INTS6: variants seen among roughly 807,000 people sequenced by gnomAD.
INTS6 encodes DEAD box protein.
In INTS6, 16 loss-of-function variants were observed where a neutral mutation model predicts 104.9. That is an observed-to-expected ratio of 0.15 (90% CI 0.10 to 0.23). The LOEUF (loss-of-function observed/expected upper bound fraction) is 0.23, where lower values mean the gene tolerates loss of function less well. Among genes scored for constraint, INTS6 ranks in the 10% least tolerant of loss-of-function variants. The pLI is 1.00. For missense variants in INTS6, 584 were observed against 1,062.8 expected (o/e 0.55, Z 6.26); for synonymous variants, 324 against 358.7 (o/e 0.90, Z 1.09).
chr13:51,407,106 C>T (rs1313511016), intron 4 of INTS6, among the ~76,000 whole-genome samples: 1 of 151,734 alleles, frequency 6.6e-6, no homozygotes, highest in African/African-American at 2.4e-5. Flanking sequence ...TTTGTACATG[C>T]TAGTCCCTCT....
intron 3 of INTS6, chr13:51,449,634 G>T: frequency 1.0e-6 from 1 of 985,258 alleles, no homozygotes; most frequent in Non-Finnish European, 1.2e-6. Context: ...ATAATGGCAA[G>T]TTTTAAATAT....
At chr13:51,451,271 T>C (rs1953036210) in intron 2 of INTS6, 97 bp from the exon 3 acceptor site, 23 of 1,034,812 alleles carry the variant, frequency 2.2e-5, no homozygotes, top group Non-Finnish European at 2.9e-5. Flanking sequence ...AGCTTCACTT[T>C]TGGTTGGTTT....
chr13:51,351,902 T>A (rs550936908), downstream of INTS6, among the ~76,000 whole-genome samples: 117 of 152,122 alleles, frequency 7.7e-4, no homozygotes, highest in Non-Finnish European at 1.4e-3. Flanking sequence ...GATTTTTCTT[T>A]CCTCCACTGA....
At chr13:51,395,629 CAT>C in intron 4 of INTS6, 146 bp from the exon 5 acceptor site, 1 of 694,426 alleles carries the variant, frequency 1.4e-6, no homozygotes, top group Non-Finnish European at 2.3e-6. Flanking sequence ...CTTGTTCAGA[CAT>C]AGCTAAAACA....
At chr13:51,424,256 C>T (rs1430259766) in intron 4 of INTS6, among the ~76,000 whole-genome samples, 1 of 151,810 alleles carries the variant, frequency 6.6e-6, no homozygotes, top group African/African-American at 2.4e-5. Context: ...TTCTAGATAG[C>T]GGATTAGTTA....
chr13:51,426,195 T>A (rs1956982324), intron 4 of INTS6, among the ~76,000 whole-genome samples: 1 of 152,076 alleles, frequency 6.6e-6, no homozygotes, highest in Non-Finnish European at 1.5e-5. Flanking sequence ...TTACTTTTCT[T>A]TCCTAACTCA....
intron 3 of INTS6, chr13:51,442,996 A>G: frequency 6.6e-6 from 1 of 152,254 alleles, no homozygotes; most frequent in East Asian, 1.9e-4. Flanking sequence ...GACAAAATGA[A>G]AAGCTTAGCT....
chr13:51,352,401 AAC>A (rs1458778331), downstream of INTS6, among the ~76,000 whole-genome samples: 1 of 151,684 alleles, frequency 6.6e-6, no homozygotes, highest in Non-Finnish European at 1.5e-5. Flanking sequence ...AGCGTATACA[AAC>A]ACAATTGATT....
chr13:51,405,439 G>A (rs961344273), intron 4 of INTS6, among the ~76,000 whole-genome samples: 17 of 152,096 alleles, frequency 1.1e-4, no homozygotes, highest in African/African-American at 3.9e-4. Flanking sequence ...AATTTTCTTC[G>A]TTCCCCAGTC....
intron 12 of INTS6, 86 bp from the exon 13 acceptor site, chr13:51,376,260 G>C: frequency 9.6e-7 from 1 of 1,046,590 alleles, no homozygotes; most frequent in Non-Finnish European, 1.3e-6. Flanking sequence ...CATAGGTTTG[G>C]AAATAAGATA....
At chr13:51,429,785 A>AAAAAAAAAAAATATATATATATATAT (rs1156333077) in intron 4 of INTS6, among the ~76,000 whole-genome samples, 1 of 92,358 alleles carries the variant, frequency 1.1e-5, no homozygotes, top group Non-Finnish European at 2.0e-5. Flanking sequence ...AAAAAAAAAA[A>AAAAAAAAAAAATATATATATATATAT]ATATATATAT....
intron 4 of INTS6, among the ~76,000 whole-genome samples, chr13:51,398,760 C>T (rs1036152762): frequency 1.3e-5 from 2 of 150,060 alleles, no homozygotes; most frequent in Non-Finnish European, 3.0e-5. Flanking sequence ...TTGACTACAG[C>T]ATTATTTGAA....
Position 51,395,370 on chromosome 13 carries a change from T to C in INTS6, c.543A>G (p.Val181=). 6.2e-7 allele frequency: 1 copy of C among 1,614,034 alleles called. No individual in the cohort carries two copies. Among genetic ancestry groups the C allele is most frequent in the Non-Finnish European group, 8.5e-7 (1 of 1,179,948 alleles). Reference sequence around the variant, plus strand: ...GCACACCTGTCAACTGTTCTGATTCTACTGACATGGTGCCAGGCAACCGCA... The same window carrying C: ...GCACACCTGTCAACTGTTCTGATTCCACTGACATGGTGCCAGGCAACCGCA... The part of the protein sequence containing the change: ...LVLRLPGTMS[V]ESEQLTGVPL... Residue 181 remains valine, a synonymous_variant, in exon 5 of 18, where the codon GTA becomes GTG. Transcript: ENST00000311234.
At chr13:51,435,267 A>C (rs1268840325) in intron 3 of INTS6, among the ~76,000 whole-genome samples, 1 of 152,020 alleles carries the variant, frequency 6.6e-6, no homozygotes, top group Non-Finnish European at 1.5e-5. Flanking sequence ...AAGAAATCCA[A>C]ACATATCACT....
intron 4 of INTS6, chr13:51,423,224 T>A (rs1956926583): frequency 2.7e-6 from 1 of 368,758 alleles, no homozygotes; most frequent in Non-Finnish European, 4.9e-6. Flanking sequence ...ATTCAAAATC[T>A]AACGAATTCA....
chr13:51,340,479 T>G, the INTS6 span, among the ~76,000 whole-genome samples: 1 of 152,184 alleles, frequency 6.6e-6, no homozygotes, highest in Non-Finnish European at 1.5e-5. Flanking sequence ...AAATTTTATA[T>G]ACCACTCATA....
Position 51,364,355 on chromosome 13 carries a change from T to C in INTS6, c.*1397A>G. 1.7e-5 allele frequency: 14 copies of C among 823,600 alleles called. No individual in the cohort carries two copies. The highest frequency in any genetic ancestry group is 2.6e-5 in the Non-Finnish European group (14 of 548,708). The allele number at this position is 823,600 out of a possible 1,614,324, so 51.0% of individuals were successfully genotyped here. On this transcript the variant is annotated 3_prime_UTR_variant, in exon 18 of 18. Coordinates refer to ENST00000311234, the MANE Select transcript of INTS6 (RefSeq NM_012141.3). ...TTTCATTTTGCTATACCCTTGAAAT[T>C]TAAAAAAATGTCTGATAAAGTGTAA...
At chr13:51,408,476 T>C (rs928653026) in intron 4 of INTS6, among the ~76,000 whole-genome samples, 2 of 152,150 alleles carry the variant, frequency 1.3e-5, no homozygotes, top group African/African-American at 4.8e-5. Context: ...AGAAAGTTCA[T>C]TTAAAGCACA....
intron 12 of INTS6, 32 bp from the exon 13 acceptor site, chr13:51,376,206 T>G (rs753508500): frequency 6.4e-7 from 1 of 1,564,326 alleles, no homozygotes; most frequent in Non-Finnish European, 8.7e-7. Context: ...CAAAATTTAT[T>G]GTCAAACATA....
Sources: gnomAD v4.1 joint callset for allele counts (sites outside exome capture counted in the v4.1 genomes callset) on GRCh38, gnomAD v4.1.1 for gene constraint, MANE v1.5 for transcripts, NCBI Gene and HGNC (gene_info 2026-07-23, HGNC 2026-07-21) for gene names.